Variants in SLC44A5 observed in about 807,000 individuals in gnomAD.
SLC44A5 encodes the protein choline transporter-like protein 5.
Under a neutral mutation model 101.8 loss-of-function variants are expected in SLC44A5, and 57 were observed. The ratio of observed to expected loss-of-function variants is 0.56; its 90% CI spans 0.45 to 0.70. SLC44A5 has a LOEUF of 0.70. Ranked by LOEUF, SLC44A5 falls within the 30% of genes least tolerant of loss-of-function variation. The pLI is 0.00. For synonymous variants in SLC44A5, 281 were observed against 290.9 expected, an observed-to-expected ratio of 0.97 and a Z score of 0.35; for missense variants, 737 against 853.1, an observed-to-expected ratio of 0.86 and a Z score of 1.70.
chr1:75,470,423 G>A (rs1667043019), intron 2 of SLC44A5, among the ~76,000 whole-genome samples: 1 of 152,172 alleles, frequency 6.6e-6, no homozygotes, highest in Admixed American at 6.5e-5. Context: ...ACAAAAGGTA[G>A]TTTATGTTGT....
chr1:75,210,815 G>C (rs901706327), intron 23 of SLC44A5, among the ~76,000 whole-genome samples: 1 of 152,096 alleles, frequency 6.6e-6, no homozygotes, highest in Non-Finnish European at 1.5e-5. Flanking sequence ...TCTCTTAGCT[G>C]TTAAGATTTC....
intron 1 of SLC44A5, among the ~76,000 whole-genome samples, chr1:75,551,186 T>C (rs1671918615): frequency 6.6e-6 from 1 of 152,152 alleles, no homozygotes; most frequent in Admixed American, 6.6e-5. Flanking sequence ...AGGGCTGGTT[T>C]TGAATGAAGT....
At chr1:75,667,166 G>A in the SLC44A5 span, among the ~76,000 whole-genome samples, 1 of 152,134 alleles carries the variant, frequency 6.6e-6, no homozygotes, top group African/African-American at 2.4e-5. Context: ...TGACATGATT[G>A]TATATTTAGA....
intron 3 of SLC44A5, among the ~76,000 whole-genome samples, chr1:75,341,549 G>A (rs1000639017): frequency 6.6e-6 from 1 of 151,682 alleles, no homozygotes; most frequent in Admixed American, 6.6e-5. Context: ...GAACGAGAGA[G>A]AAGAAGGAAG....
chr1:75,391,915 A>G (rs1462426415), intron 3 of SLC44A5, among the ~76,000 whole-genome samples: 1 of 152,188 alleles, frequency 6.6e-6, no homozygotes, highest in Non-Finnish European at 1.5e-5. Flanking sequence ...GCACTTTGGG[A>G]GGCCAAGATG....
the SLC44A5 span, among the ~76,000 whole-genome samples, chr1:75,641,195 TTTA>T: frequency 3.9e-5 from 6 of 152,098 alleles, no homozygotes; most frequent in South Asian, 2.1e-4. Context: ...CTATTACTTT[TTTA>T]TTTTTAAATA....
At position 75,403,503 on chromosome 1, in the gene SLC44A5, A is replaced by G. The variant is rs915425661; in HGVS notation, c.14-6882T>C. 2.6e-5 allele frequency among the ~76,000 whole-genome samples: 4 copies of G among 152,294 alleles called. No homozygotes were observed. The East Asian group carries it at 7.7e-4, about 30-fold the overall frequency. On this transcript the variant is annotated intron_variant, in intron 2 of 23. Transcript: ENST00000370859. The stretch of plus-strand genomic sequence containing the variant: ...GGACGAAGCTTCCAGAGGAAGAAAC[A>G]GGCAGCAATCTTTGCTATTCTGCAG...
At chr1:75,579,001 A>G (rs1199354759) in intron 1 of SLC44A5, among the ~76,000 whole-genome samples, 1 of 152,226 alleles carries the variant, frequency 6.6e-6, no homozygotes, top group Non-Finnish European at 1.5e-5. Flanking sequence ...AATGGAACAT[A>G]TATTATAAAT....
intron 5 of SLC44A5, among the ~76,000 whole-genome samples, chr1:75,289,213 C>A (rs556166430): frequency 6.6e-6 from 1 of 152,246 alleles, no homozygotes; most frequent in Non-Finnish European, 1.5e-5. Context: ...AAATACTTTT[C>A]AGATAATCCA....
chr1:75,350,227 C>T (rs1364780125), intron 3 of SLC44A5, among the ~76,000 whole-genome samples: 1 of 151,896 alleles, frequency 6.6e-6, no homozygotes, highest in African/African-American at 2.4e-5. Context: ...AGTGGTCTCC[C>T]TTTGCCGTGT....
At chr1:75,232,036 G>T (rs770701528) in intron 12 of SLC44A5, among the ~76,000 whole-genome samples, 7 of 152,126 alleles carry the variant, frequency 4.6e-5, no homozygotes, top group Non-Finnish European at 7.3e-5. Flanking sequence ...AATTGTCCAG[G>T]ATAGTAGCAG....
intron 5 of SLC44A5, among the ~76,000 whole-genome samples, chr1:75,277,957 A>G (rs1292705031): frequency 6.6e-6 from 1 of 152,170 alleles, no homozygotes; most frequent in East Asian, 1.9e-4. Context: ...GGCAGCAGCC[A>G]TCATTTTGTC....
In SLC44A5 at chr1:75,398,231, C is replaced by T. The variant is rs535119764; in HGVS notation, c.14-1610G>A. The T allele has an allele frequency of 1.0e-3, 220 of 216,326 alleles. 1 individual carries two copies. The highest frequency in any genetic ancestry group is 2.0e-3 in the Admixed American group (31 of 15,330). 13.4% of individuals were successfully genotyped at this position (216,326 alleles called of 1,614,324 possible). On this transcript the variant is annotated intron_variant, in intron 2 of 23. Transcript: ENST00000370859. ...TATCTTAAAAGGTTACATGTCATAG[C>T]TTTTTGTATCATGCACTTCTAATCA...
chr1:75,667,691 G>T, the SLC44A5 span, among the ~76,000 whole-genome samples: 1 of 152,154 alleles, frequency 6.6e-6, no homozygotes, highest in East Asian at 1.9e-4. Context: ...ATATCTGAAA[G>T]AATACACAAG....
At chr1:75,374,800 C>T (rs1434315288) in intron 3 of SLC44A5, among the ~76,000 whole-genome samples, 2 of 152,114 alleles carry the variant, frequency 1.3e-5, no homozygotes, top group Non-Finnish European at 2.9e-5. Context: ...AGAAATGAAG[C>T]CAGTACTATA....
intron 2 of SLC44A5, among the ~76,000 whole-genome samples, chr1:75,523,569 G>A (rs145972327): frequency 0.011 from 1,702 of 151,814 alleles, 40 homozygotes; most frequent in African/African-American, 0.039. Flanking sequence ...TGATCCACCC[G>A]CCTCGGCCTC....
At chr1:75,608,576 A>T (rs568904027) in intron 1 of SLC44A5, among the ~76,000 whole-genome samples, 1 of 152,088 alleles carries the variant, frequency 6.6e-6, no homozygotes, top group South Asian at 2.1e-4. Flanking sequence ...CAGAGTAAAA[A>T]CCAAAGTCTT....
At chr1:75,714,402 C>G in the SLC44A5 span, among the ~76,000 whole-genome samples, 1 of 152,104 alleles carries the variant, frequency 6.6e-6, no homozygotes, top group African/African-American at 2.4e-5. Flanking sequence ...TCATCTATGA[C>G]AAACCCACAG....
At chr1:75,704,199 A>G in the SLC44A5 span, among the ~76,000 whole-genome samples, 19 of 152,216 alleles carry the variant, frequency 1.2e-4, no homozygotes, top group African/African-American at 4.3e-4. Context: ...ATACAACCAT[A>G]GGATTATTAG....
Sources: gnomAD v4.1 joint callset for allele counts (sites outside exome capture counted in the v4.1 genomes callset) on GRCh38, gnomAD v4.1.1 for gene constraint, MANE v1.5 for transcripts, NCBI Gene and HGNC (gene_info 2026-07-23, HGNC 2026-07-21) for gene names.